The following GRIN2B variants were observed in gnomAD, a reference collection of about 807,000 sequenced individuals.
The protein encoded by GRIN2B is glutamate ionotropic receptor NMDA type subunit 2B.
A neutral mutation model predicts 114.5 loss-of-function variants in GRIN2B; 5 were observed. That is an observed-to-expected ratio of 0.04 (90% CI 0.02 to 0.09). The LOEUF (loss-of-function observed/expected upper bound fraction) is 0.09, where lower values mean the gene tolerates loss of function less well. Among genes scored for constraint, GRIN2B ranks in the 10% least tolerant of loss-of-function variants. The probability of loss-of-function intolerance (pLI) is 1.00; values close to 1 mark genes in which losing one functional copy is unlikely to be tolerated. For missense variants in GRIN2B, 1,108 were observed against 1,943.5 expected, an observed-to-expected ratio of 0.57 and a Z score of 8.08; for synonymous variants, 787 against 745.1, an observed-to-expected ratio of 1.06 and a Z score of -0.92.
intron 2 of GRIN2B, 135 bp from the exon 3 acceptor site, chr12:13,866,361 A>G: frequency 4.0e-6 from 3 of 749,628 alleles, no homozygotes; most frequent in Middle Eastern, 2.4e-4. Context: ...CTACCAGCCT[A>G]CTCTCTTATC....
At chr12:13,952,576 C>T (rs1456278802) in intron 2 of GRIN2B, among the ~76,000 whole-genome samples, 1 of 152,070 alleles carries the variant, frequency 6.6e-6, no homozygotes. Flanking sequence ...CTGTACTTCC[C>T]CTCTCTATCA....
At chr12:13,844,685 A>T (rs1422138447) in intron 3 of GRIN2B, among the ~76,000 whole-genome samples, 1 of 152,176 alleles carries the variant, frequency 6.6e-6, no homozygotes, top group Admixed American at 6.5e-5. Context: ...CATCTTTGAC[A>T]TATCATTTAA....
chr12:13,559,180 C>G lies in GRIN2B; in HGVS notation c.*3603G>C, dbSNP rs1031859536. On this transcript the variant is annotated 3_prime_UTR_variant, in exon 14 of 14. Transcript: ENST00000609686. ...GTAACATCTAGATTTTAACAATGCC[C>G]AGCCTTCCTTTCTTTAAGTTTTCTT... 2 of 147,446 alleles carry G rather than the reference C, an allele frequency of 1.4e-5. No individual in the cohort carries two copies. The highest frequency in any genetic ancestry group is 5.3e-5 in the African/African-American group (2 of 38,000). 9.1% of individuals were successfully genotyped at this position (147,446 alleles called of 1,614,324 possible). A position where few individuals can be genotyped will look rare whatever the true frequency, so the allele number is the denominator to read the frequency against.
At chr12:13,887,539 T>C (rs987191399) in intron 2 of GRIN2B, among the ~76,000 whole-genome samples, 4 of 152,172 alleles carry the variant, frequency 2.6e-5, no homozygotes, top group African/African-American at 9.7e-5. Flanking sequence ...ATAGCATGAA[T>C]GGAAGTAGAA....
chr12:13,607,746 A>G (rs1204949654), intron 10 of GRIN2B, among the ~76,000 whole-genome samples: 1 of 151,154 alleles, frequency 6.6e-6, no homozygotes. Context: ...GAGTGGAAAA[A>G]TATCACATTT....
At chr12:13,742,647 T>G (rs370649833) in intron 4 of GRIN2B, among the ~76,000 whole-genome samples, 34 of 152,266 alleles carry the variant, frequency 2.2e-4, no homozygotes, top group African/African-American at 7.9e-4. Context: ...GCCAGGCTGG[T>G]CTCAACCCCC....
intron 3 of GRIN2B, among the ~76,000 whole-genome samples, chr12:13,817,246 G>T (rs189848204): frequency 3.9e-5 from 6 of 152,298 alleles, no homozygotes; most frequent in Admixed American, 2.0e-4. Flanking sequence ...TGTCTCCAAG[G>T]GGGTAAATGA....
chr12:13,844,178 G>A (rs183975735), intron 3 of GRIN2B, among the ~76,000 whole-genome samples: 81 of 152,314 alleles, frequency 5.3e-4, no homozygotes, highest in Middle Eastern at 3.4e-3. Flanking sequence ...AGGAGGGGAC[G>A]GATAAGGTGA....
At chr12:13,867,728 T>C (rs1865849334) in intron 2 of GRIN2B, among the ~76,000 whole-genome samples, 1 of 152,148 alleles carries the variant, frequency 6.6e-6, no homozygotes, top group African/African-American at 2.4e-5. Flanking sequence ...CCAAGGTCAA[T>C]GGCATTATAA....
At chr12:13,574,358 G>C (rs1489002800) in intron 10 of GRIN2B, among the ~76,000 whole-genome samples, 2 of 152,182 alleles carry the variant, frequency 1.3e-5, no homozygotes, top group Non-Finnish European at 1.5e-5. Flanking sequence ...AATAACTATG[G>C]TAGATAGCAA....
At chr12:13,644,525 A>C (rs1949745968) in intron 5 of GRIN2B, among the ~76,000 whole-genome samples, 1 of 152,180 alleles carries the variant, frequency 6.6e-6, no homozygotes, top group South Asian at 2.1e-4. Context: ...ACTTAAAATC[A>C]TCAGCTGCAT....
intron 2 of GRIN2B, among the ~76,000 whole-genome samples, chr12:13,913,208 CT>C: frequency 6.6e-6 from 1 of 152,232 alleles, no homozygotes; most frequent in Non-Finnish European, 1.5e-5. Flanking sequence ...CTTTTCTTTC[CT>C]AAAACAAAAG....
At position 13,858,762 on chromosome 12, in the gene GRIN2B, G is replaced by A. The variant is rs75086860; in HGVS notation, c.411+7036C>T. Among the ~76,000 whole-genome samples, 644 of 152,118 alleles carry A rather than the reference G, an allele frequency of 4.2e-3. 2 individuals carry two copies. Among genetic ancestry groups the A allele is most frequent in the African/African-American group, 0.014 (595 of 41,506 alleles). Reference sequence around the variant, plus strand: ...TGTTTTTAGAAAATGATCTTGACTTGTCTTTAATGCTTATATCCTATGTGT... The same window carrying A: ...TGTTTTTAGAAAATGATCTTGACTTATCTTTAATGCTTATATCCTATGTGT... On this transcript the variant is annotated intron_variant, in intron 3 of 13. Transcript: ENST00000609686.
intron 2 of GRIN2B, among the ~76,000 whole-genome samples, chr12:13,887,116 T>C (rs1476297275): frequency 6.6e-6 from 1 of 152,138 alleles, no homozygotes; most frequent in South Asian, 2.1e-4. Flanking sequence ...GATGTTAACA[T>C]AGGAAAACAA....
At chr12:13,617,666 G>T (rs1285955641) in intron 5 of GRIN2B, among the ~76,000 whole-genome samples, 1 of 152,210 alleles carries the variant, frequency 6.6e-6, no homozygotes, top group East Asian at 1.9e-4. Context: ...ATTATGGATT[G>T]CAAGCACCTG....
At chr12:13,900,676 C>T (rs1049416611) in intron 2 of GRIN2B, among the ~76,000 whole-genome samples, 3 of 152,116 alleles carry the variant, frequency 2.0e-5, no homozygotes, top group African/African-American at 4.8e-5. Flanking sequence ...GTATTATCAT[C>T]GTATTCTTCC....
At chr12:13,910,099 T>C (rs1866605288) in intron 2 of GRIN2B, among the ~76,000 whole-genome samples, 1 of 152,212 alleles carries the variant, frequency 6.6e-6, no homozygotes, top group Admixed American at 6.5e-5. Context: ...GCCAAATTGC[T>C]TCCAAACCTG....
intron 9 of GRIN2B, 32 bp downstream of exon 9, chr12:13,611,693 T>C: frequency 6.2e-7 from 1 of 1,609,600 alleles, no homozygotes; most frequent in Non-Finnish European, 8.5e-7. Context: ...AGAAAAAAAC[T>C]GGGGAAGTGC....
At chr12:13,854,388 T>C (rs557868872) in intron 3 of GRIN2B, among the ~76,000 whole-genome samples, 3 of 152,124 alleles carry the variant, frequency 2.0e-5, no homozygotes, top group South Asian at 2.1e-4. Flanking sequence ...TGAGTGCCTA[T>C]AATCCCAGCT....
Sources: allele counts gnomAD v4.1 joint callset (sites outside exome capture counted in the v4.1 genomes callset), GRCh38; gene constraint gnomAD v4.1.1; transcripts MANE v1.5; gene names NCBI Gene and HGNC (gene_info 2026-07-23, HGNC 2026-07-21).